CDYL2: variants seen among roughly 807,000 people sequenced by gnomAD.
CDYL2 encodes chromodomain Y-like protein 2.
In CDYL2, 23 loss-of-function variants were observed where a neutral mutation model predicts 49.4. That is an observed-to-expected ratio of 0.47 (90% CI 0.34 to 0.66). The LOEUF (loss-of-function observed/expected upper bound fraction) is 0.66. Ranked by LOEUF, CDYL2 falls within the 30% of genes least tolerant of loss-of-function variation. CDYL2 has a pLI of 0.01. For synonymous variants in CDYL2, 360 were observed against 268.8 expected, an observed-to-expected ratio of 1.34 and a Z score of -3.32; for missense variants, 678 against 656.4, an observed-to-expected ratio of 1.03 and a Z score of -0.36.
chr16:80,610,874 G>C (rs941998107), intron 5 of CDYL2, among the ~76,000 whole-genome samples: 1 of 152,108 alleles, frequency 6.6e-6, no homozygotes, highest in African/African-American at 2.4e-5. Context: ...GCCCCCAGTG[G>C]ACCCCGGGCA....
intron 2 of CDYL2, among the ~76,000 whole-genome samples, chr16:80,656,988 G>C (rs1908841670): frequency 6.6e-6 from 1 of 152,176 alleles, no homozygotes; most frequent in African/African-American, 2.4e-5. Flanking sequence ...GGCTTTATTA[G>C]GATCTCAGGA....
rs1181969523 is a variant in CDYL2, at chr16:80,602,222, G to A, written c.*2166C>T. 1 of 152,224 alleles carries A rather than the reference G, an allele frequency of 6.6e-6. No homozygotes were observed. The highest frequency in any genetic ancestry group is 1.5e-5 in the Non-Finnish European group (1 of 68,050). The allele number at this position is 152,224 out of a possible 1,614,324, so 9.4% of individuals were successfully genotyped here. ...AGATCCAGATAGAGCTGTGACAACA[G>A]GCATTTGGGCAAAAGCAGGTGTCTC... On this transcript the variant is annotated 3_prime_UTR_variant, in exon 7 of 7. Coordinates refer to ENST00000570137, the MANE Select transcript of CDYL2 (RefSeq NM_152342.4).
intron 3 of CDYL2, 99 bp from the exon 4 acceptor site, chr16:80,621,034 T>A: frequency 7.5e-7 from 1 of 1,328,098 alleles, no homozygotes; most frequent in Non-Finnish European, 1.0e-6. Flanking sequence ...CCCCTGAGGG[T>A]AGAGGCCAGG....
chr16:80,669,211 G>C (rs1385098855), intron 2 of CDYL2, among the ~76,000 whole-genome samples: 1 of 151,960 alleles, frequency 6.6e-6, no homozygotes, highest in African/African-American at 2.4e-5. Flanking sequence ...CACACTGGAA[G>C]GTAATGGGAA....
chr16:80,658,812 G>C (rs778823956), intron 2 of CDYL2, among the ~76,000 whole-genome samples: 29 of 152,186 alleles, frequency 1.9e-4, no homozygotes, highest in Non-Finnish European at 3.5e-4. Flanking sequence ...TAGAGAAATG[G>C]CTGCTTCCAG....
At chr16:80,756,292 A>C (rs1485414544) in intron 1 of CDYL2, among the ~76,000 whole-genome samples, 1 of 152,168 alleles carries the variant, frequency 6.6e-6, no homozygotes, top group Non-Finnish European at 1.5e-5. Flanking sequence ...TACCCAAAAC[A>C]AATTCTACCA....
intron 1 of CDYL2, among the ~76,000 whole-genome samples, chr16:80,781,311 A>G (rs898442289): frequency 6.6e-6 from 1 of 152,180 alleles, no homozygotes; most frequent in Non-Finnish European, 1.5e-5. Context: ...TTAAATACTA[A>G]TATTGTTCAA....
intron 1 of CDYL2, among the ~76,000 whole-genome samples, chr16:80,703,963 C>A (rs1185551604): frequency 1.3e-5 from 2 of 152,192 alleles, no homozygotes; most frequent in Admixed American, 6.5e-5. Context: ...ATACTGAATT[C>A]CAAAGTACAC....
At chr16:80,737,126 G>GA (rs1905561750) in intron 1 of CDYL2, among the ~76,000 whole-genome samples, 1 of 152,144 alleles carries the variant, frequency 6.6e-6, no homozygotes, top group Non-Finnish European at 1.5e-5. Context: ...TGAGGATCTT[G>GA]AAATTGAGCC....
intron 2 of CDYL2, among the ~76,000 whole-genome samples, chr16:80,651,663 T>C (rs1350139414): frequency 6.6e-6 from 1 of 152,208 alleles, no homozygotes; most frequent in African/African-American, 2.4e-5. Flanking sequence ...AGAATCCATC[T>C]GAATTATATA....
chr16:80,777,033 G>A (rs1907108251), intron 1 of CDYL2, among the ~76,000 whole-genome samples: 1 of 151,976 alleles, frequency 6.6e-6, no homozygotes, highest in South Asian at 2.1e-4. Context: ...TGTTGCCCAG[G>A]CTGGTCTCGA....
At chr16:80,685,753 G>C (rs561152633) in intron 1 of CDYL2, among the ~76,000 whole-genome samples, 3 of 152,322 alleles carry the variant, frequency 2.0e-5, no homozygotes, top group East Asian at 3.9e-4. Context: ...CGAGGGCTCA[G>C]AGAGACCAAG....
intron 1 of CDYL2, among the ~76,000 whole-genome samples, chr16:80,687,701 T>C (rs1910254209): frequency 6.6e-6 from 1 of 152,184 alleles, no homozygotes; most frequent in Non-Finnish European, 1.5e-5. Context: ...AACAGGGCTT[T>C]GTAACAAAAC....
intron 1 of CDYL2, among the ~76,000 whole-genome samples, chr16:80,758,764 A>C (rs537647796): frequency 6.6e-5 from 10 of 151,750 alleles, no homozygotes; most frequent in South Asian, 4.2e-4. Context: ...GGATGGTTTC[A>C]ATCTCCTGAC....
chr16:80,800,077 C>G (rs974950019), intron 1 of CDYL2, among the ~76,000 whole-genome samples: 6 of 152,184 alleles, frequency 3.9e-5, no homozygotes, highest in African/African-American at 9.7e-5. Context: ...AGCACTCTCA[C>G]AGGGAAAGAG....
chr16:80,608,289 C>T, intron 5 of CDYL2, 54 bp from the exon 6 acceptor site: 4 of 1,495,974 alleles, frequency 2.7e-6, no homozygotes, highest in South Asian at 1.3e-5. Flanking sequence ...ACCCATGTCC[C>T]TCAGCTGGTC....
rs544391662 is a variant in CDYL2 at position 80,787,916 on chromosome 16, G to A, written c.24+16234C>T. Reference sequence around the variant, plus strand: ...TATTTGCTAGAATCTGGGATTATCTGCCTTACCCATAGGAAGTCTAGGCAT... The same window carrying A: ...TATTTGCTAGAATCTGGGATTATCTACCTTACCCATAGGAAGTCTAGGCAT... On this transcript the variant is annotated intron_variant, in intron 1 of 6. Transcript: ENST00000570137. 3.9e-4 allele frequency among the ~76,000 whole-genome samples: 59 copies of A among 152,126 alleles called. 1 individual carries two copies. The South Asian group carries it at 6.8e-3, about 18-fold the overall frequency.
chr16:80,722,382 T>C (rs1387536908), intron 1 of CDYL2, among the ~76,000 whole-genome samples: 1 of 152,118 alleles, frequency 6.6e-6, no homozygotes, highest in African/African-American at 2.4e-5. Flanking sequence ...TGTAGTGTCT[T>C]AGAGTCAATG....
intron 1 of CDYL2, among the ~76,000 whole-genome samples, chr16:80,749,807 T>C (rs564254853): frequency 1.3e-5 from 2 of 152,290 alleles, no homozygotes; most frequent in South Asian, 4.2e-4. Flanking sequence ...TGTGGCACTA[T>C]TCACAATAGC....
Sources: allele counts gnomAD v4.1 joint callset (sites outside exome capture counted in the v4.1 genomes callset), GRCh38; gene constraint gnomAD v4.1.1; transcripts MANE v1.5; gene names NCBI Gene and HGNC (gene_info 2026-07-23, HGNC 2026-07-21).